The following FREM2 variants were observed in gnomAD, a reference collection of about 807,000 sequenced individuals.
The protein encoded by FREM2 is FRAS1-related extracellular matrix protein 2.
Under a neutral mutation model 219.9 loss-of-function variants are expected in FREM2, and 119 were observed. The ratio of observed to expected loss-of-function variants is 0.54; its 90% CI spans 0.47 to 0.63. The LOEUF (loss-of-function observed/expected upper bound fraction) is 0.63. FREM2 is among the 30% of genes least tolerant of loss of function. The pLI, the probability that FREM2 is intolerant of heterozygous loss-of-function variation, is 0.00. For synonymous variants in FREM2, 1,562 were observed against 1,522.8 expected, an observed-to-expected ratio of 1.03 and a Z score of -0.60; for missense variants, 4,030 against 3,993.6, an observed-to-expected ratio of 1.01 and a Z score of -0.25.
chr13:38,854,639 C>G (rs1036197535), intron 11 of FREM2, among the ~76,000 whole-genome samples: 1 of 152,118 alleles, frequency 6.6e-6, no homozygotes. Context: ...GGAACAAGAA[C>G]TGTAAGTTCT....
chr13:38,689,356 C>T lies in FREM2; in HGVS notation c.2012C>T (p.Thr671Ile). Residue 671 changes from threonine (T) to isoleucine (I), a missense_variant, in exon 1 of 24, where the codon ACA (threonine) becomes ATA (isoleucine). Coordinates refer to ENST00000280481, the MANE Select transcript of FREM2 (RefSeq NM_207361.6). ...HSPGPVTDQF[T>I]FRVQDNHDPP... ...CCTGGGCCAGTCACAGACCAGTTCA[C>T]ATTTAGAGTCCAGGATAACCATGAC... 1.2e-6 allele frequency: 2 copies of T among 1,614,132 alleles called. No homozygotes were observed. The highest frequency in any genetic ancestry group is 1.7e-6 in the Non-Finnish European group (2 of 1,180,026).
rs531021640 is a variant in FREM2, at chr13:38,690,427, A to C, written c.3083A>C (p.Lys1028Thr). 1.9e-6 allele frequency: 3 copies of C among 1,614,204 alleles called. No individual in the cohort carries two copies. The East Asian group carries it at 6.7e-5, about 36-fold the overall frequency. ...HTSGEIGLLPKADSFNLSLSD... is the reference protein window; with the variant it reads ...HTSGEIGLLPTADSFNLSLSD... ...AGTGGTGAGATAGGCCTATTGCCTA[A>C]AGCGGATTCTTTTAACCTGAGTCTG... The change falls in exon 1 of 24, where the codon AAA becomes ACA. Residue 1028 changes from lysine to threonine, a missense_variant. Transcript: ENST00000280481.
chr13:38,880,968 C>A lies in FREM2; in HGVS notation c.*181C>A, dbSNP rs1180935002. 2.7e-6 allele frequency: 2 copies of A among 748,378 alleles called. No individual in the cohort carries two copies. Among genetic ancestry groups the A allele is most frequent in the African/African-American group, 1.7e-5 (1 of 57,750 alleles). 46.4% of individuals were successfully genotyped at this position (748,378 alleles called of 1,614,324 possible). On this transcript the variant is annotated 3_prime_UTR_variant, in exon 24 of 24. Transcript: ENST00000280481. ...CCATACTCTTTTTTGCATCAAAGGA[C>A]AAATTAAGGCATCTTTCCTCTTGCC... is the stretch of plus-strand genomic sequence containing the variant.
chr13:38,731,246 A>G (rs2496448), intron 2 of FREM2, among the ~76,000 whole-genome samples: 83,273 of 152,092 alleles, frequency 0.55, 25,956 homozygotes, highest in Non-Finnish European at 0.69. Context: ...TATTTTATTT[A>G]GAAACTACTT....
At chr13:38,707,570 G>C (rs562437867) in intron 2 of FREM2, among the ~76,000 whole-genome samples, 1 of 152,116 alleles carries the variant, frequency 6.6e-6, no homozygotes, top group Non-Finnish European at 1.5e-5. Context: ...AGCACAGGAA[G>C]GTTTAATCCT....
At chr13:38,869,728 G>A (rs1170130328) in intron 16 of FREM2, among the ~76,000 whole-genome samples, 2 of 152,270 alleles carry the variant, frequency 1.3e-5, no homozygotes, top group East Asian at 1.9e-4. Flanking sequence ...CACCTATTTT[G>A]TAAATAAAAT....
intron 6 of FREM2, among the ~76,000 whole-genome samples, chr13:38,834,068 T>C (rs1307108220): frequency 6.6e-6 from 1 of 152,126 alleles, no homozygotes; most frequent in East Asian, 1.9e-4. Flanking sequence ...GTGCAGAACG[T>C]GCTAGTTTGT....
At chr13:38,724,689 G>A (rs918225591) in intron 2 of FREM2, among the ~76,000 whole-genome samples, 1 of 152,160 alleles carries the variant, frequency 6.6e-6, no homozygotes, top group African/African-American at 2.4e-5. Flanking sequence ...CCAACATTAT[G>A]AGAACCTGGG....
At chr13:38,872,142 T>G (rs1882057468) in intron 16 of FREM2, among the ~76,000 whole-genome samples, 1 of 152,196 alleles carries the variant, frequency 6.6e-6, no homozygotes, top group Non-Finnish European at 1.5e-5. Context: ...TATTGAAACG[T>G]GCTCAAACAT....
At chr13:38,798,804 G>A (rs1442262211) in intron 6 of FREM2, among the ~76,000 whole-genome samples, 2 of 151,982 alleles carry the variant, frequency 1.3e-5, no homozygotes, top group Non-Finnish European at 1.5e-5. Flanking sequence ...TTTCTGTCAT[G>A]TCAGTGGTAA....
In FREM2 at chr13:38,876,446, T is replaced by TAA. The variant is rs67517056; in HGVS notation, c.8544+77_8544+78dup. 5,983 of 1,109,498 alleles carry TAA rather than the reference T, an allele frequency of 5.4e-3. 13 individuals carry two copies. The highest frequency in any genetic ancestry group is 0.022 in the African/African-American group (1,354 of 62,186). The allele number at this position is 1,109,498 out of a possible 1,614,324, so 68.7% of individuals were successfully genotyped here. A position where few individuals can be genotyped will look rare whatever the true frequency, so the allele number is the denominator to read the frequency against. ...TCCCACTTTGTTTTTCATTTATTAGTAAAAAAAAAAAAAATCCACACGTGA... is the reference window on the plus strand; with the variant it reads ...TCCCACTTTGTTTTTCATTTATTAGTAAAAAAAAAAAAAAAATCCACACGTGA... On this transcript the variant is annotated intron_variant, in intron 20 of 23. Coordinates refer to ENST00000280481, the MANE Select transcript of FREM2 (RefSeq NM_207361.6).
chr13:38,879,990 A>C (rs114643168), intron 23 of FREM2, among the ~76,000 whole-genome samples: 5,591 of 152,244 alleles, frequency 0.037, 164 homozygotes, highest in African/African-American at 0.078. Flanking sequence ...TAATTTACTC[A>C]TTTTTTTAGT....
chr13:38,867,463 G>A (rs1389135997), intron 16 of FREM2, among the ~76,000 whole-genome samples: 1 of 152,204 alleles, frequency 6.6e-6, no homozygotes, highest in African/African-American at 2.4e-5. Context: ...AATAAAACAT[G>A]TTGCTTACTC....
At chr13:38,848,753 T>TTA in intron 8 of FREM2, 83 bp downstream of exon 8, 1 of 1,224,208 alleles carries the variant, frequency 8.2e-7, no homozygotes, top group Non-Finnish European at 1.2e-6. Flanking sequence ...AGCAAGATGA[T>TTA]TATATATATT....
At chr13:38,785,115 T>C (rs1319370948) in intron 6 of FREM2, among the ~76,000 whole-genome samples, 2 of 152,220 alleles carry the variant, frequency 1.3e-5, no homozygotes, top group Non-Finnish European at 2.9e-5. Context: ...TGAAATCTAA[T>C]TTATTTCCTT....
rs1362478323 is a variant in FREM2, at chr13:38,691,991, G to A, written c.4647G>A (p.Lys1549=). 6 of 1,614,088 alleles carry A rather than the reference G, an allele frequency of 3.7e-6. No homozygotes were observed. In the East Asian group the frequency reaches 1.3e-4, roughly 36 times the overall value. The part of the protein sequence containing the change: ...HKLVVSESEN[K]LITPFELTVE... ...TGGTTGTCAGTGAAAGTGAAAACAAGCTGATTACTCCTTTTGAGCTCACTG... is the reference window on the plus strand; with the variant it reads ...TGGTTGTCAGTGAAAGTGAAAACAAACTGATTACTCCTTTTGAGCTCACTG... The change falls in exon 1 of 24, where the codon AAG becomes AAA. Residue 1549 remains lysine (K), a synonymous_variant. Coordinates refer to ENST00000280481, the MANE Select transcript of FREM2 (RefSeq NM_207361.6).
intron 6 of FREM2, among the ~76,000 whole-genome samples, chr13:38,836,726 T>G (rs2137894525): frequency 6.6e-6 from 1 of 152,114 alleles, no homozygotes; most frequent in African/African-American, 2.4e-5. Flanking sequence ...TCTAGTTTAT[T>G]TATGTAGAGG....
intron 2 of FREM2, among the ~76,000 whole-genome samples, chr13:38,713,340 A>G (rs1427324107): frequency 1.3e-5 from 2 of 152,228 alleles, no homozygotes; most frequent in East Asian, 3.8e-4. Context: ...TGTAAACCTG[A>G]AAACATAACG....
At chr13:38,752,653 T>C (rs1872825375) in intron 2 of FREM2, among the ~76,000 whole-genome samples, 1 of 152,230 alleles carries the variant, frequency 6.6e-6, no homozygotes, top group Non-Finnish European at 1.5e-5. Flanking sequence ...CACTTGTATT[T>C]TCCCTTTCTA....
Sources: allele counts gnomAD v4.1 joint callset (sites outside exome capture counted in the v4.1 genomes callset), GRCh38; gene constraint gnomAD v4.1.1; transcripts MANE v1.5; gene names NCBI Gene and HGNC (gene_info 2026-07-23, HGNC 2026-07-21).